The following EPHX2 variants were observed in gnomAD, a reference collection of about 807,000 sequenced individuals.
EPHX2 encodes bifunctional epoxide hydrolase 2.
A neutral mutation model predicts 78.7 loss-of-function variants in EPHX2; 74 were observed. The observed-to-expected ratio is 0.94, with a 90% CI of 0.78 to 1.14. The LOEUF is 1.14. Among genes scored for constraint, EPHX2 ranks in the 50% most tolerant of loss-of-function variants. The pLI is 0.00. For missense variants in EPHX2, 715 were observed against 702.5 expected (o/e 1.02, Z -0.20); for synonymous variants, 251 against 255.2 (o/e 0.98, Z 0.16).
intron 10 of EPHX2, 84 bp from the exon 11 acceptor site, chr8:27,522,339 G>A (rs1412830166): frequency 1.0e-5 from 14 of 1,368,516 alleles, no homozygotes; most frequent in Middle Eastern, 2.5e-4. Context: ...CCCTGGTGTC[G>A]AGGGGCTGGC....
At chr8:27,504,801 T>C in intron 3 of EPHX2, 155 bp from the exon 4 acceptor site, 1 of 754,132 alleles carries the variant, frequency 1.3e-6, no homozygotes. Context: ...GTCAAGATGA[T>C]TCTTTTCCAA....
intron 1 of EPHX2, among the ~76,000 whole-genome samples, chr8:27,500,440 A>G (rs1182249489): frequency 6.6e-6 from 1 of 152,216 alleles, no homozygotes; most frequent in African/African-American, 2.4e-5. Context: ...TAGCAGTGTG[A>G]GAACAGACTA....
intron 15 of EPHX2, 56 bp from the exon 16 acceptor site, chr8:27,541,417 G>C: frequency 1.9e-6 from 3 of 1,570,680 alleles, no homozygotes; most frequent in Non-Finnish European, 2.6e-6. Context: ...GCTGGTGTCT[G>C]TAGCAGAGCC....
downstream of EPHX2, among the ~76,000 whole-genome samples, chr8:27,547,806 G>A (rs1344548300): frequency 6.6e-6 from 1 of 152,036 alleles, no homozygotes; most frequent in African/African-American, 2.4e-5. Context: ...AACATGTGGT[G>A]TTTCACTTTC....
chr8:27,544,286 C>G, intron 18 of EPHX2, 42 bp downstream of exon 18: 1 of 1,609,022 alleles, frequency 6.2e-7, no homozygotes. Flanking sequence ...AGAGCAGGGC[C>G]CCCCGTTCAC....
At chr8:27,527,009 C>T (rs994023140) in intron 12 of EPHX2, among the ~76,000 whole-genome samples, 2 of 152,072 alleles carry the variant, frequency 1.3e-5, no homozygotes, top group African/African-American at 4.8e-5. Flanking sequence ...GGCGCAATCT[C>T]GGCTCACTGC....
intron 12 of EPHX2, among the ~76,000 whole-genome samples, chr8:27,528,847 G>A (rs1033560536): frequency 1.3e-5 from 2 of 152,164 alleles, no homozygotes; most frequent in African/African-American, 2.4e-5. Flanking sequence ...CCAGGCTGGA[G>A]TGCAGTGGCA....
At chr8:27,540,456 C>G in intron 14 of EPHX2, 98 bp from the exon 15 acceptor site, 1 of 1,026,668 alleles carries the variant, frequency 9.7e-7, no homozygotes, top group Non-Finnish European at 1.5e-6. Flanking sequence ...AGGCCTTGCG[C>G]AAGTTCAGAT....
intron 5 of EPHX2, among the ~76,000 whole-genome samples, chr8:27,509,398 T>C (rs1814150188): frequency 6.6e-6 from 1 of 152,270 alleles, no homozygotes; most frequent in South Asian, 2.1e-4. Flanking sequence ...TACCTACGAG[T>C]GGAATTACTG....
rs1188431875 is a variant in EPHX2 at position 27,545,227 on chromosome 8, TTTTAAATTTCATTGAATTGTAA to T, written c.*707_*728del. 2 of 152,238 alleles carry T rather than the reference TTTTAAATTTCATTGAATTGTAA, an allele frequency of 1.3e-5. No homozygotes were observed. Among genetic ancestry groups the T allele is most frequent in the African/African-American group, 4.8e-5 (2 of 41,444 alleles). The allele number at this position is 152,238 out of a possible 1,614,324, so 9.4% of individuals were successfully genotyped here. On this transcript the variant is annotated 3_prime_UTR_variant, in exon 19 of 19. Coordinates refer to ENST00000521400, the MANE Select transcript of EPHX2 (RefSeq NM_001979.6). ...GTGCTAGTGAGGCTGAGGAAGAGAA[TTTTAAATTTCATTGAATTGTAA>T]TCAGTTTAAAGTTAAATAGCAGCAG...
intron 16 of EPHX2, 106 bp downstream of exon 16, chr8:27,541,648 G>A: frequency 8.4e-7 from 1 of 1,185,314 alleles, no homozygotes; most frequent in Non-Finnish European, 1.2e-6. Flanking sequence ...GTTGTGGACA[G>A]ATCTGCTGGC....
intron 11 of EPHX2, among the ~76,000 whole-genome samples, chr8:27,525,107 T>TGTGTGTGTGTGCGCGC (rs1491544464): frequency 9.7e-6 from 1 of 103,494 alleles, no homozygotes; most frequent in South Asian, 2.9e-4. Context: ...TGTGTGTGTG[T>TGTGTGTGTGTGCGCGC]GCGCGCGCGC....
At chr8:27,499,851 G>C (rs1813701314) in intron 1 of EPHX2, among the ~76,000 whole-genome samples, 1 of 151,864 alleles carries the variant, frequency 6.6e-6, no homozygotes, top group Non-Finnish European at 1.5e-5. Context: ...TTCTCCCTGT[G>C]TCCTCACATG....
intron 14 of EPHX2, among the ~76,000 whole-genome samples, chr8:27,539,863 C>A (rs1009335048): frequency 6.6e-6 from 1 of 152,214 alleles, no homozygotes; most frequent in Non-Finnish European, 1.5e-5. Flanking sequence ...CTGGAATGAC[C>A]AGTTCCTGTG....
chr8:27,516,663 A>G (rs546795137), intron 8 of EPHX2, among the ~76,000 whole-genome samples: 104 of 152,306 alleles, frequency 6.8e-4, no homozygotes, highest in African/African-American at 2.5e-3. Flanking sequence ...GGGATGGCGG[A>G]CATAGAATGT....
intron 2 of EPHX2, 79 bp from the exon 3 acceptor site, chr8:27,503,525 T>C: frequency 2.1e-6 from 3 of 1,447,678 alleles, no homozygotes; most frequent in Non-Finnish European, 2.8e-6. Flanking sequence ...ACAGGGAATG[T>C]ATATGTTTAG....
intron 12 of EPHX2, among the ~76,000 whole-genome samples, chr8:27,530,990 C>T (rs1414235132): frequency 6.6e-6 from 1 of 151,956 alleles, no homozygotes; most frequent in Non-Finnish European, 1.5e-5. Context: ...CTCGAACTCC[C>T]ACCCTCAGGT....
chr8:27,543,676 G>C, intron 16 of EPHX2, 73 bp from the exon 17 acceptor site: 1 of 1,485,680 alleles, frequency 6.7e-7, no homozygotes, highest in Admixed American at 1.7e-5. Flanking sequence ...TGGCGAGCAG[G>C]GGTCTTTCAG....
At chr8:27,503,410 G>A (rs1200267108) in intron 2 of EPHX2, among the ~76,000 whole-genome samples, 194 bp from the exon 3 acceptor site, 2 of 152,130 alleles carry the variant, frequency 1.3e-5, no homozygotes, top group Non-Finnish European at 2.9e-5. Flanking sequence ...TCTGGTTTGG[G>A]ACTCCTAGGA....
Sources: gnomAD v4.1 joint callset for allele counts (sites outside exome capture counted in the v4.1 genomes callset) on GRCh38, gnomAD v4.1.1 for gene constraint, MANE v1.5 for transcripts, NCBI Gene and HGNC (gene_info 2026-07-23, HGNC 2026-07-21) for gene names.